Variants in ASTN2 observed in about 807,000 individuals in gnomAD.
ASTN2 encodes the protein astrotactin-2.
In ASTN2, 54 loss-of-function variants were observed where a neutral mutation model predicts 139.8. The observed-to-expected ratio is 0.39, with a 90% CI of 0.31 to 0.48. ASTN2 has a LOEUF of 0.48. ASTN2 is among the 20% of genes least tolerant of loss of function. The probability of loss-of-function intolerance (pLI) is 0.95; values close to 1 mark genes in which losing one functional copy is unlikely to be tolerated. For synonymous variants in ASTN2, 756 were observed against 719.5 expected, an observed-to-expected ratio of 1.05 and a Z score of -0.81; for missense variants, 1,565 against 1,725.1, an observed-to-expected ratio of 0.91 and a Z score of 1.64.
intron 19 of ASTN2, among the ~76,000 whole-genome samples, chr9:116,603,795 C>G (rs546312827): frequency 7.2e-5 from 11 of 152,260 alleles, no homozygotes; most frequent in African/African-American, 2.2e-4. Flanking sequence ...ATTTTCTTCT[C>G]TTGGCGTCTC....
intron 7 of ASTN2, among the ~76,000 whole-genome samples, chr9:117,006,139 T>C (rs972538169): frequency 1.3e-5 from 2 of 152,252 alleles, no homozygotes; most frequent in African/African-American, 2.4e-5. Flanking sequence ...GGGCACACTG[T>C]AAACACCCAC....
intron 16 of ASTN2, among the ~76,000 whole-genome samples, chr9:116,684,452 T>C (rs1860075579): frequency 6.6e-6 from 1 of 152,188 alleles, no homozygotes; most frequent in African/African-American, 2.4e-5. Flanking sequence ...TCCTAAATTA[T>C]TTGTGGGTTG....
chr9:116,737,420 T>C (rs1199309569), intron 13 of ASTN2, among the ~76,000 whole-genome samples: 4 of 152,090 alleles, frequency 2.6e-5, no homozygotes, highest in Non-Finnish European at 5.9e-5. Flanking sequence ...TAAACTCGGG[T>C]GCTCAGGAAT....
At chr9:117,147,894 A>G (rs566453867) in intron 3 of ASTN2, among the ~76,000 whole-genome samples, 1 of 152,210 alleles carries the variant, frequency 6.6e-6, no homozygotes, top group African/African-American at 2.4e-5. Context: ...GGAGATGGGT[A>G]TGTTAATCTT....
chr9:116,983,681 G>A (rs1836583456), intron 7 of ASTN2, among the ~76,000 whole-genome samples: 1 of 152,200 alleles, frequency 6.6e-6, no homozygotes. Flanking sequence ...TTTGTCTTCA[G>A]GCTTGGCATA....
chr9:116,455,834 T>C (rs1175341574), intron 20 of ASTN2, among the ~76,000 whole-genome samples: 1 of 149,612 alleles, frequency 6.7e-6, no homozygotes. Context: ...TAAAAAGGAG[T>C]CCATAAAATA....
At chr9:116,675,048 G>A (rs570085753) in intron 16 of ASTN2, among the ~76,000 whole-genome samples, 92 of 152,212 alleles carry the variant, frequency 6.0e-4, no homozygotes, top group African/African-American at 2.1e-3. Flanking sequence ...ACAAATTCAG[G>A]GGCTTGTCCA....
At chr9:117,351,505 C>T (rs1202353223) in intron 1 of ASTN2, among the ~76,000 whole-genome samples, 2 of 152,160 alleles carry the variant, frequency 1.3e-5, no homozygotes, top group Non-Finnish European at 2.9e-5. Flanking sequence ...CCATTCAATA[C>T]TTCATGCATA....
At chr9:116,807,533 C>G (rs186593744) in intron 12 of ASTN2, among the ~76,000 whole-genome samples, 16 of 152,312 alleles carry the variant, frequency 1.1e-4, no homozygotes, top group African/African-American at 3.6e-4. Context: ...TGTCTCAGAG[C>G]CTTGGTAAAG....
intron 19 of ASTN2, among the ~76,000 whole-genome samples, chr9:116,536,500 G>T (rs1851634630): frequency 6.6e-6 from 1 of 152,044 alleles, no homozygotes; most frequent in South Asian, 2.1e-4. Flanking sequence ...TCTACCTTTG[G>T]TCTTTGATGA....
At chr9:116,593,595 T>C (rs773838132) in intron 19 of ASTN2, among the ~76,000 whole-genome samples, 49 of 152,208 alleles carry the variant, frequency 3.2e-4, no homozygotes, top group Admixed American at 2.0e-4. Flanking sequence ...CATCTAGCCA[T>C]TCTTAACTGA....
intron 1 of ASTN2, among the ~76,000 whole-genome samples, chr9:117,410,951 G>T (rs1831141234): frequency 6.6e-6 from 1 of 152,152 alleles, no homozygotes; most frequent in Admixed American, 6.5e-5. Context: ...AAAAGCTCTT[G>T]TCTAACAATC....
At chr9:116,906,053 A>T (rs1834149897) in intron 10 of ASTN2, among the ~76,000 whole-genome samples, 1 of 151,960 alleles carries the variant, frequency 6.6e-6, no homozygotes, top group African/African-American at 2.4e-5. Flanking sequence ...CAGACCTTAG[A>T]TTTCTGCCAA....
chr9:117,168,002 A>G (rs1830708061), intron 3 of ASTN2, among the ~76,000 whole-genome samples: 2 of 152,150 alleles, frequency 1.3e-5, no homozygotes, highest in South Asian at 2.1e-4. Context: ...AGTGGGCAGT[A>G]TGATGGGGTA....
chr9:117,393,428 G>A (rs1463254720), intron 1 of ASTN2, among the ~76,000 whole-genome samples: 2 of 151,740 alleles, frequency 1.3e-5, no homozygotes, highest in Admixed American at 1.3e-4. Context: ...TAAATAGAAA[G>A]CGAGAGAAAA....
At chr9:116,948,319 T>C (rs1835454286) in intron 10 of ASTN2, among the ~76,000 whole-genome samples, 1 of 152,210 alleles carries the variant, frequency 6.6e-6, no homozygotes, top group South Asian at 2.1e-4. Flanking sequence ...TGCATATCAG[T>C]ATCAAATGGT....
At chr9:116,543,166 A>T (rs1158391298) in intron 19 of ASTN2, among the ~76,000 whole-genome samples, 2 of 151,836 alleles carry the variant, frequency 1.3e-5, no homozygotes, top group South Asian at 4.2e-4. Flanking sequence ...AGAGTTCTTC[A>T]TAATCACAGG....
At chr9:117,398,429 C>G (rs1830735900) in intron 1 of ASTN2, among the ~76,000 whole-genome samples, 2 of 152,326 alleles carry the variant, frequency 1.3e-5, no homozygotes, top group South Asian at 4.1e-4. Flanking sequence ...TCCAATGTTA[C>G]AGGCAGCTAA....
At chr9:116,935,247 A>G (rs1835035387) in intron 10 of ASTN2, among the ~76,000 whole-genome samples, 1 of 152,236 alleles carries the variant, frequency 6.6e-6, no homozygotes, top group African/African-American at 2.4e-5. Context: ...TGAGGCTGAG[A>G]GAGTCCAGTG....
Sources: gnomAD v4.1 joint callset for allele counts (sites outside exome capture counted in the v4.1 genomes callset) on GRCh38, gnomAD v4.1.1 for gene constraint, MANE v1.5 for transcripts, NCBI Gene and HGNC (gene_info 2026-07-23, HGNC 2026-07-21) for gene names.